Variants in NTRK2 observed in about 807,000 individuals in gnomAD.
The protein encoded by NTRK2 is neurotrophic receptor tyrosine kinase 2, also known as BDNF/NT-3 growth factors receptor.
Under a neutral mutation model 94.5 loss-of-function variants are expected in NTRK2, and 13 were observed. The ratio of observed to expected loss-of-function variants is 0.14; its 90% CI spans 0.09 to 0.22. NTRK2 has a LOEUF of 0.22. Among genes scored for constraint, NTRK2 ranks in the 10% least tolerant of loss-of-function variants. The probability of loss-of-function intolerance (pLI) is 1.00; values close to 1 mark genes in which losing one functional copy is unlikely to be tolerated. For synonymous variants in NTRK2, 372 were observed against 407.4 expected, an observed-to-expected ratio of 0.91 and a Z score of 1.05; for missense variants, 639 against 1,071.2, an observed-to-expected ratio of 0.60 and a Z score of 5.63.
At position 84,875,227 on chromosome 9, in the gene NTRK2, TG is replaced by T. The variant is rs1650432937; in HGVS notation, c.1633+7797del. ...TAGTAATGGCTCACTTTGGGGAGATTGTGCTGCACAGTGTGTAGGAAGCACA... is the reference window on the plus strand; with the variant it reads ...TAGTAATGGCTCACTTTGGGGAGATTTGCTGCACAGTGTGTAGGAAGCACA... On this transcript the variant is annotated intron_variant, in intron 14 of 18. Coordinates refer to ENST00000277120, the MANE Select transcript of NTRK2 (RefSeq NM_006180.6). 6 of 1,058,648 alleles carry T rather than the reference TG, an allele frequency of 5.7e-6. No homozygotes were observed. The South Asian group carries it at 2.3e-4, about 40-fold the overall frequency. The allele number at this position is 1,058,648 out of a possible 1,614,324, so 65.6% of individuals were successfully genotyped here. A position where few individuals can be genotyped will look rare whatever the true frequency, so the allele number is the denominator to read the frequency against.
chr9:84,963,258 T>C (rs928577007), intron 17 of NTRK2, among the ~76,000 whole-genome samples: 22 of 152,236 alleles, frequency 1.4e-4, no homozygotes, highest in African/African-American at 5.3e-4. Context: ...GACTAAGGGC[T>C]GAGCTCACTC....
intron 14 of NTRK2, among the ~76,000 whole-genome samples, chr9:84,908,778 G>C (rs1027650374): frequency 1.3e-5 from 2 of 152,110 alleles, no homozygotes; most frequent in Non-Finnish European, 2.9e-5. Flanking sequence ...GTGGCAAACT[G>C]TTCCTTACAA....
At chr9:84,994,690 CT>C (rs1385388559) in intron 17 of NTRK2, among the ~76,000 whole-genome samples, 14 of 152,270 alleles carry the variant, frequency 9.2e-5, no homozygotes, top group Non-Finnish European at 1.6e-4. Context: ...CCGTGTGTGG[CT>C]TTTTTCCCCC....
rs1384079158 is a variant in NTRK2, at chr9:85,022,716, A to G, written c.*1279A>G. The G allele has an allele frequency of 4.3e-6, 1 of 233,160 alleles. No homozygotes were observed. The highest frequency in any genetic ancestry group is 8.5e-6 in the Non-Finnish European group (1 of 118,044). 14.4% of individuals were successfully genotyped at this position (233,160 alleles called of 1,614,324 possible). A position where few individuals can be genotyped will look rare whatever the true frequency, so the allele number is the denominator to read the frequency against. On this transcript the variant is annotated 3_prime_UTR_variant, in exon 19 of 19. Transcript: ENST00000277120. ...TGATAGGTAGAGCAGATCCATAAAA[A>G]GGTATGACTTATACAATTAGGGGAA... is the stretch of plus-strand genomic sequence containing the variant.
intron 14 of NTRK2, among the ~76,000 whole-genome samples, chr9:84,884,044 A>T (rs1364090119): frequency 2.0e-5 from 3 of 152,210 alleles, no homozygotes; most frequent in African/African-American, 7.2e-5. Context: ...ATGTGATTTG[A>T]TCTGTACAAA....
At chr9:84,812,799 G>T in intron 12 of NTRK2, 1 of 1,040,374 alleles carries the variant, frequency 9.6e-7, no homozygotes, top group Non-Finnish European at 1.2e-6. Flanking sequence ...GTACCCAACA[G>T]CTAGAAGGAT....
At chr9:84,912,611 CTTTTTTT>C (rs1212242779) in intron 14 of NTRK2, among the ~76,000 whole-genome samples, 29 of 95,240 alleles carry the variant, frequency 3.0e-4, no homozygotes, top group Non-Finnish European at 5.6e-4. Context: ...TTTGACTTGC[CTTTTTTT>C]TTTTTTTTTT....
intron 14 of NTRK2, among the ~76,000 whole-genome samples, chr9:84,878,889 G>A (rs1344149516): frequency 6.6e-6 from 1 of 152,104 alleles, no homozygotes; most frequent in Non-Finnish European, 1.5e-5. Flanking sequence ...TCAGTGGATT[G>A]TCTGTCAGTC....
At chr9:84,990,422 T>A (rs1488846071) in intron 17 of NTRK2, among the ~76,000 whole-genome samples, 1 of 152,168 alleles carries the variant, frequency 6.6e-6, no homozygotes, top group East Asian at 1.9e-4. Context: ...TGAAAACCAA[T>A]TGCCTCCCAT....
chr9:84,676,802 C>T (rs750728647), intron 2 of NTRK2, among the ~76,000 whole-genome samples: 3 of 152,148 alleles, frequency 2.0e-5, no homozygotes, highest in Non-Finnish European at 4.4e-5. Flanking sequence ...AATAGAACCA[C>T]CATAAATGGG....
chr9:84,865,774 G>A (rs534103686), intron 13 of NTRK2, among the ~76,000 whole-genome samples: 7 of 152,194 alleles, frequency 4.6e-5, no homozygotes, highest in Non-Finnish European at 1.0e-4. Flanking sequence ...CTCTGGGCTT[G>A]TGCCAGTAGT....
intron 17 of NTRK2, among the ~76,000 whole-genome samples, chr9:84,961,887 A>G (rs2133053470): frequency 6.6e-6 from 1 of 152,324 alleles, no homozygotes; most frequent in Admixed American, 6.5e-5. Flanking sequence ...AAATTGTTCC[A>G]TTTGCAAGGA....
chr9:84,727,596 C>T (rs545039637), intron 8 of NTRK2, 58 bp from the exon 9 acceptor site: 18 of 1,534,706 alleles, frequency 1.2e-5, no homozygotes, highest in East Asian at 9.0e-5. Flanking sequence ...ACAGACATCT[C>T]GAGATGGGGA....
At chr9:84,816,594 T>A (rs1432401485) in intron 12 of NTRK2, among the ~76,000 whole-genome samples, 1 of 151,352 alleles carries the variant, frequency 6.6e-6, no homozygotes, top group African/African-American at 2.4e-5. Context: ...GCCTGGCCAA[T>A]GTGGTGAAAC....
At chr9:84,889,655 A>G (rs1216510391) in intron 14 of NTRK2, among the ~76,000 whole-genome samples, 1 of 152,016 alleles carries the variant, frequency 6.6e-6, no homozygotes, top group East Asian at 1.9e-4. Context: ...TCAAATGGTC[A>G]GCCAAACTTA....
At chr9:84,997,633 G>A (rs907143358) in intron 17 of NTRK2, among the ~76,000 whole-genome samples, 3 of 152,154 alleles carry the variant, frequency 2.0e-5, no homozygotes, top group African/African-American at 7.2e-5. Context: ...GTGATTTCAG[G>A]CATAAAGTGG....
chr9:84,827,730 G>C (rs564138124), intron 12 of NTRK2, among the ~76,000 whole-genome samples: 1 of 151,670 alleles, frequency 6.6e-6, no homozygotes, highest in South Asian at 2.1e-4. Context: ...TTCATTGCAA[G>C]CTGCCAATGC....
At chr9:84,845,777 A>G (rs994283578) in intron 12 of NTRK2, among the ~76,000 whole-genome samples, 5 of 152,246 alleles carry the variant, frequency 3.3e-5, no homozygotes, top group Admixed American at 6.5e-5. Flanking sequence ...TGGGGTGTCA[A>G]TTGAGAAGTG....
At chr9:84,919,452 T>G (rs868730508) in intron 14 of NTRK2, among the ~76,000 whole-genome samples, 1 of 152,190 alleles carries the variant, frequency 6.6e-6, no homozygotes, top group Non-Finnish European at 1.5e-5. Context: ...GAACTTGGAA[T>G]TGAAAGGCCA....
Sources: allele counts gnomAD v4.1 joint callset (sites outside exome capture counted in the v4.1 genomes callset), GRCh38; gene constraint gnomAD v4.1.1; transcripts MANE v1.5; gene names NCBI Gene and HGNC (gene_info 2026-07-23, HGNC 2026-07-21).